Variants in USP14 observed in about 807,000 individuals in gnomAD.
USP14 encodes ubiquitin carboxyl-terminal hydrolase 14.
USP14 carries 38 observed loss-of-function variants against 76.5 expected under a neutral mutation model. The ratio of observed to expected loss-of-function variants is 0.50; its 90% CI spans 0.38 to 0.65. The LOEUF (loss-of-function observed/expected upper bound fraction) is 0.65. Ranked by LOEUF, USP14 falls within the 30% of genes least tolerant of loss-of-function variation. USP14 has a pLI of 0.00. For synonymous variants in USP14, 192 were observed against 191.7 expected (o/e 1.00, Z -0.01); for missense variants, 467 against 586.5 (o/e 0.80, Z 2.10).
chr18:193,811 G>A (rs1281728496), intron 6 of USP14, among the ~76,000 whole-genome samples: 2 of 152,162 alleles, frequency 1.3e-5, no homozygotes, highest in South Asian at 2.1e-4. Flanking sequence ...GTATGGACAA[G>A]CCACATATCA....
rs1910690446 is a variant in USP14, at chr18:212,288, T to C, written c.*1004T>C. 1 of 152,234 alleles carries C rather than the reference T, an allele frequency of 6.6e-6. No homozygotes were observed. Among genetic ancestry groups the C allele is most frequent in the Admixed American group, 6.5e-5 (1 of 15,280 alleles). 9.4% of individuals were successfully genotyped at this position (152,234 alleles called of 1,614,324 possible). On this transcript the variant is annotated 3_prime_UTR_variant, in exon 16 of 16. Transcript: ENST00000261601. ...CAGTCAGATTCTTTCCTTGGCTCAG[T>C]TGTGTTTGTATTTCCTTTCTTAATT...
At chr18:204,842 A>G (rs1177601804) in intron 13 of USP14, 150 bp downstream of exon 13, 2 of 790,100 alleles carry the variant, frequency 2.5e-6, no homozygotes, top group African/African-American at 1.8e-5. Flanking sequence ...TACAATTAGC[A>G]GGTATACACA....
chr18:175,889 G>A (rs1451800698), intron 3 of USP14, among the ~76,000 whole-genome samples: 1 of 151,992 alleles, frequency 6.6e-6, no homozygotes, highest in Non-Finnish European at 1.5e-5. Flanking sequence ...TTCTTTGTAG[G>A]AAGACTTTAA....
intron 4 of USP14, among the ~76,000 whole-genome samples, 175 bp downstream of exon 4, chr18:179,212 TCTG>T (rs967857661): frequency 4.6e-5 from 7 of 152,214 alleles, no homozygotes; most frequent in African/African-American, 1.4e-4. Context: ...AGGGAGTCCT[TCTG>T]TAGTTAAATA....
At chr18:197,257 A>C (rs1214620924) in intron 7 of USP14, among the ~76,000 whole-genome samples, 2 of 152,194 alleles carry the variant, frequency 1.3e-5, no homozygotes. Context: ...CCAAAGCCTT[A>C]GGCTTTCCCT....
intron 1 of USP14, among the ~76,000 whole-genome samples, chr18:160,984 A>G (rs966394310): frequency 1.6e-4 from 24 of 152,102 alleles, no homozygotes; most frequent in Admixed American, 6.5e-4. Flanking sequence ...CTGGAGTGCA[A>G]TGGCGCGATG....
intron 1 of USP14, among the ~76,000 whole-genome samples, chr18:162,485 T>G (rs1298732375): frequency 6.6e-6 from 1 of 152,214 alleles, no homozygotes; most frequent in Non-Finnish European, 1.5e-5. Context: ...TGTTCAGAAA[T>G]GACACTTTTC....
intron 3 of USP14, among the ~76,000 whole-genome samples, chr18:168,296 G>C (rs1031223723): frequency 4.6e-5 from 7 of 152,092 alleles, no homozygotes; most frequent in African/African-American, 1.7e-4. Flanking sequence ...ACTAATTCCA[G>C]TTGTGTTTTG....
chr18:198,161 T>C, intron 9 of USP14, 29 bp downstream of exon 9: 3 of 1,517,850 alleles, frequency 2.0e-6, no homozygotes, highest in Non-Finnish European at 1.8e-6. Context: ...ATATAGACTA[T>C]ACTCATACCT....
rs939969425 is a variant in USP14 at position 214,554 on chromosome 18, G to C, written c.*3270G>C. 12 of 1,236,538 alleles carry C rather than the reference G, an allele frequency of 9.7e-6. No individual in the cohort carries two copies. In the Admixed American group the frequency reaches 2.6e-4, roughly 27 times the overall value. 76.6% of individuals were successfully genotyped at this position (1,236,538 alleles called of 1,614,324 possible). A position where few individuals can be genotyped will look rare whatever the true frequency, so the allele number is the denominator to read the frequency against. On this transcript the variant is annotated 3_prime_UTR_variant, in exon 16 of 16. Transcript: ENST00000261601. Reference sequence around the variant, plus strand: ...AAATGTTTATTGTTTACCAAAACCAGTGGACCTCTTATCAAATGCTGCTTG... The same window carrying C: ...AAATGTTTATTGTTTACCAAAACCACTGGACCTCTTATCAAATGCTGCTTG...
intron 6 of USP14, among the ~76,000 whole-genome samples, chr18:193,818 A>G (rs1910157001): frequency 6.6e-6 from 1 of 152,192 alleles, no homozygotes; most frequent in African/African-American, 2.4e-5. Flanking sequence ...CAAGCCACAT[A>G]TCATTTATCC....
At chr18:197,346 C>T (rs1910265491) in intron 7 of USP14, among the ~76,000 whole-genome samples, 1 of 152,170 alleles carries the variant, frequency 6.6e-6, no homozygotes, top group African/African-American at 2.4e-5. Context: ...GCTTCATAAC[C>T]CTTATCTCTA....
intron 5 of USP14, among the ~76,000 whole-genome samples, chr18:186,751 CA>C (rs546501068): frequency 4.1e-5 from 6 of 145,126 alleles, no homozygotes; most frequent in Non-Finnish European, 6.1e-5. Flanking sequence ...GACTGTGTCT[CA>C]AAAAAAAAAG....
At chr18:198,232 T>G (rs1910293331) in intron 9 of USP14, 100 bp downstream of exon 9, 1 of 1,082,410 alleles carries the variant, frequency 9.2e-7, no homozygotes, top group South Asian at 2.2e-5. Flanking sequence ...AGAAGAAAAA[T>G]TCTTCAGAGG....
At chr18:206,843 G>GACA (rs748567095) in intron 13 of USP14, among the ~76,000 whole-genome samples, 17 of 152,336 alleles carry the variant, frequency 1.1e-4, no homozygotes, top group Non-Finnish European at 1.9e-4. Context: ...AGAGGTTGTA[G>GACA]TGAGCTGAGA....
In USP14 at chr18:171,020, AAAAAAATATATAT is replaced by A. The variant is rs1353538271; in HGVS notation, c.195+4203_195+4215del. Among the ~76,000 whole-genome samples, 686 of 91,430 alleles carry A rather than the reference AAAAAAATATATAT, an allele frequency of 7.5e-3. 14 individuals are homozygous for A. Among genetic ancestry groups the A allele is most frequent in the African/African-American group, 0.027 (559 of 20,512 alleles). 60.0% of individuals were successfully genotyped at this position (91,430 alleles called of 152,430 possible). A position where few individuals can be genotyped will look rare whatever the true frequency, so the allele number is the denominator to read the frequency against. Reference sequence around the variant, plus strand: ...TGTACCCTGGAACTTAAAAAAAAAAAAAAAAATATATATATATATATATATATATATATATAAA... The same window carrying A: ...TGTACCCTGGAACTTAAAAAAAAAAAATATATATATATATATATATATAAA... On this transcript the variant is annotated intron_variant, in intron 3 of 15. Coordinates refer to ENST00000261601, the MANE Select transcript of USP14 (RefSeq NM_005151.4).
At chr18:191,767 C>G (rs1348481424) in intron 5 of USP14, among the ~76,000 whole-genome samples, 2 of 152,154 alleles carry the variant, frequency 1.3e-5, no homozygotes, top group Non-Finnish European at 2.9e-5. Context: ...GCTCCACAAT[C>G]TTGCCGATAT....
chr18:175,308 A>C (rs1358180783), intron 3 of USP14, among the ~76,000 whole-genome samples: 3 of 151,928 alleles, frequency 2.0e-5, no homozygotes, highest in African/African-American at 7.3e-5. Flanking sequence ...AACAATGCTG[A>C]GTAGAAGTGG....
chr18:175,785 C>T (rs1242426248), intron 3 of USP14, among the ~76,000 whole-genome samples: 1 of 151,906 alleles, frequency 6.6e-6, no homozygotes, highest in Non-Finnish European at 1.5e-5. Flanking sequence ...TTTTTTATTT[C>T]TGCTCCCACT....
Sources: gnomAD v4.1 joint callset for allele counts (sites outside exome capture counted in the v4.1 genomes callset) on GRCh38, gnomAD v4.1.1 for gene constraint, MANE v1.5 for transcripts, NCBI Gene and HGNC (gene_info 2026-07-23, HGNC 2026-07-21) for gene names.